PTPN9: variants seen among roughly 807,000 people sequenced by gnomAD.
PTPN9 encodes protein tyrosine phosphatase non-receptor type 9.
In PTPN9, 26 loss-of-function variants were observed where a neutral mutation model predicts 69.8. The observed-to-expected ratio is 0.37, with a 90% CI of 0.27 to 0.52. The LOEUF is 0.52. Ranked by LOEUF, PTPN9 falls within the 20% of genes least tolerant of loss-of-function variation. The pLI is 0.91. For synonymous variants in PTPN9, 274 were observed against 272.5 expected, an observed-to-expected ratio of 1.01 and a Z score of -0.05; for missense variants, 549 against 740.3, an observed-to-expected ratio of 0.74 and a Z score of 3.00.
At chr15:75,511,402 C>T (rs1426665616) in intron 5 of PTPN9, among the ~76,000 whole-genome samples, 1 of 152,026 alleles carries the variant, frequency 6.6e-6, no homozygotes, top group Non-Finnish European at 1.5e-5. Flanking sequence ...CCATGCCTGT[C>T]TAATTTTGTA....
chr15:75,506,208 C>T (rs2074819122), intron 6 of PTPN9, among the ~76,000 whole-genome samples: 1 of 152,122 alleles, frequency 6.6e-6, no homozygotes, highest in African/African-American at 2.4e-5. Context: ...TGTGAACTCC[C>T]AGAATGTATA....
intron 6 of PTPN9, 137 bp downstream of exon 6, chr15:75,508,780 T>C: frequency 3.1e-6 from 2 of 635,756 alleles, no homozygotes; most frequent in Non-Finnish European, 5.6e-6. Context: ...AGGTAGAGAA[T>C]ATAAGTGAAT....
chr15:75,468,574 G>T lies in PTPN9; in HGVS notation c.*195C>A. 1 of 545,772 alleles carries T rather than the reference G, an allele frequency of 1.8e-6. No homozygotes were observed. Among genetic ancestry groups the T allele is most frequent in the Non-Finnish European group, 3.3e-6 (1 of 300,876 alleles). 33.8% of individuals were successfully genotyped at this position (545,772 alleles called of 1,614,324 possible). A position where few individuals can be genotyped will look rare whatever the true frequency, so the allele number is the denominator to read the frequency against. ...TAGGAATTAAGAACACATTGCTACT[G>T]GCCCTTTCTAGTGGCAATTTCACCA... is the stretch of plus-strand genomic sequence containing the variant. On this transcript the variant is annotated 3_prime_UTR_variant, in exon 13 of 13. Coordinates refer to ENST00000618819, the MANE Select transcript of PTPN9 (RefSeq NM_002833.4).
chr15:75,540,245 G>A (rs1407753652), intron 1 of PTPN9, among the ~76,000 whole-genome samples: 1 of 152,106 alleles, frequency 6.6e-6, no homozygotes, highest in Admixed American at 6.6e-5. Flanking sequence ...CTAAGTTTGA[G>A]TGCACTGTAA....
chr15:75,558,952 C>T (rs4393535), intron 1 of PTPN9, among the ~76,000 whole-genome samples: 49,471 of 151,896 alleles, frequency 0.33, 8,961 homozygotes, highest in Middle Eastern at 0.48. Context: ...GGCTGCCACC[C>T]CGTCTGGGAA....
chr15:75,572,485 T>A lies in PTPN9; in HGVS notation c.63+6229A>T, dbSNP rs1259486439. ...AGCACTTGGGGAGGCCAAGGCAGGC[T>A]GATCACTTGAGATCAGGAGTTGGAG... On this transcript the variant is annotated intron_variant, in intron 1 of 12. Transcript: ENST00000618819. Among the ~76,000 whole-genome samples the A allele has an allele frequency of 2.0e-5, 3 of 152,088 alleles. No individual in the cohort carries two copies. In the South Asian group the frequency reaches 6.2e-4, roughly 32 times the overall value.
intron 1 of PTPN9, among the ~76,000 whole-genome samples, chr15:75,542,955 C>T (rs770857286): frequency 1.3e-5 from 2 of 148,970 alleles, no homozygotes; most frequent in African/African-American, 2.5e-5. Flanking sequence ...CCCATTAACT[C>T]GTCATTTAGC....
Position 75,503,228 on chromosome 15 carries a change from G to A in PTPN9, c.968+2447C>T, listed in dbSNP as rs545083282. Among the ~76,000 whole-genome samples, 59 of 150,812 alleles carry A rather than the reference G, an allele frequency of 3.9e-4. No individual in the cohort carries two copies. In the East Asian group the frequency reaches 0.011, roughly 29 times the overall value. On this transcript the variant is annotated intron_variant, in intron 7 of 12. Transcript: ENST00000618819. ...CCGGCAGCCATCCCATCTGGGAAGT[G>A]AGGAGCATCTCTGCCCGGCCGCCCA...
At chr15:75,470,065 T>G in intron 11 of PTPN9, 66 bp from the exon 12 acceptor site, 1 of 1,430,284 alleles carries the variant, frequency 7.0e-7, no homozygotes, top group South Asian at 1.2e-5. Context: ...ACCTCTGGCT[T>G]TTCCAGATTC....
chr15:75,468,648 G>T lies in PTPN9; in HGVS notation c.*121C>A. On this transcript the variant is annotated 3_prime_UTR_variant, in exon 13 of 13. Transcript: ENST00000618819. ...GCTGCCTTGCGTGCACACGTGTGCT[G>T]GGAGACACAAGAAAGAAGTTGATCC... is the stretch of plus-strand genomic sequence containing the variant. The T allele has an allele frequency of 2.3e-6, 2 of 867,284 alleles. No individual in the cohort carries two copies. The highest frequency in any genetic ancestry group is 3.7e-6 in the Non-Finnish European group (2 of 540,898). The allele number at this position is 867,284 out of a possible 1,614,324, so 53.7% of individuals were successfully genotyped here.
chr15:75,538,280 A>C (rs989340036), intron 1 of PTPN9, among the ~76,000 whole-genome samples: 1 of 152,178 alleles, frequency 6.6e-6, no homozygotes, highest in Non-Finnish European at 1.5e-5. Context: ...TAGGCCCCGT[A>C]ATTTTTTTCT....
At chr15:75,482,152 C>A (rs1197855645) in intron 8 of PTPN9, among the ~76,000 whole-genome samples, 20 of 147,706 alleles carry the variant, frequency 1.4e-4, no homozygotes, top group African/African-American at 2.5e-4. Flanking sequence ...TGATCTGTGA[C>A]CTTACCCCCA....
At position 75,466,110 on chromosome 15, in the gene PTPN9, AAAG is replaced by A. The variant is rs1358464569; in HGVS notation, c.*2656_*2658del. The A allele has an allele frequency of 1.1e-4, 16 of 152,240 alleles. No homozygotes were observed. The highest frequency in any genetic ancestry group is 3.9e-4 in the African/African-American group (16 of 41,460). 9.4% of individuals were successfully genotyped at this position (152,240 alleles called of 1,614,324 possible). Reference sequence around the variant, plus strand: ...TAGAGGAAGTCTAGTGTAAGAGGTGAAAGAAGATACTTTGGAGTCAGATGGTCT... The same window carrying A: ...TAGAGGAAGTCTAGTGTAAGAGGTGAAAGATACTTTGGAGTCAGATGGTCT... On this transcript the variant is annotated 3_prime_UTR_variant, in exon 13 of 13. Transcript: ENST00000618819.
intron 1 of PTPN9, among the ~76,000 whole-genome samples, chr15:75,534,597 C>T (rs1165223702): frequency 2.0e-5 from 3 of 151,618 alleles, no homozygotes; most frequent in African/African-American, 7.3e-5. Flanking sequence ...AGTGCTTGAG[C>T]CTAGGATGCC....
intron 1 of PTPN9, 37 bp downstream of exon 1, chr15:75,578,677 C>A: frequency 7.4e-7 from 1 of 1,351,428 alleles, no homozygotes; most frequent in Admixed American, 3.2e-5. Context: ...CTCGGGGGCC[C>A]GGACACACCC....
intron 9 of PTPN9, among the ~76,000 whole-genome samples, chr15:75,475,748 A>G (rs2074592338): frequency 6.6e-6 from 1 of 152,202 alleles, no homozygotes; most frequent in Non-Finnish European, 1.5e-5. Context: ...AAGCACTAAC[A>G]TGATACTGGA....
At chr15:75,564,469 G>A (rs967583151) in intron 1 of PTPN9, among the ~76,000 whole-genome samples, 27 of 151,776 alleles carry the variant, frequency 1.8e-4, no homozygotes, top group African/African-American at 4.8e-4. Flanking sequence ...GGTAGCGGGC[G>A]CCTGTAGTCC....
chr15:75,505,064 G>C (rs1357118124), intron 7 of PTPN9, among the ~76,000 whole-genome samples: 1 of 152,236 alleles, frequency 6.6e-6, no homozygotes, highest in Admixed American at 6.5e-5. Flanking sequence ...TGGTTGCCGT[G>C]TCTGTGTAGA....
intron 7 of PTPN9, among the ~76,000 whole-genome samples, chr15:75,503,093 G>A (rs1036735876): frequency 4.6e-5 from 7 of 151,452 alleles, no homozygotes; most frequent in African/African-American, 1.5e-4. Context: ...CTGCCTGGCC[G>A]CCCATCGTCT....
Sources: allele counts gnomAD v4.1 joint callset (sites outside exome capture counted in the v4.1 genomes callset), GRCh38; gene constraint gnomAD v4.1.1; transcripts MANE v1.5; gene names NCBI Gene and HGNC (gene_info 2026-07-23, HGNC 2026-07-21).